The following FRRS1L variants were observed in gnomAD, a reference collection of about 807,000 sequenced individuals.
FRRS1L encodes the protein ferric chelate reductase 1 like.
FRRS1L carries 22 observed loss-of-function variants against 28.6 expected under a neutral mutation model. That is an observed-to-expected ratio of 0.77 (90% CI 0.55 to 1.10). The LOEUF is 1.10. Ranked by LOEUF, FRRS1L falls within the 50% of genes least tolerant of loss-of-function variation. The pLI is 0.00. For missense variants in FRRS1L, 380 were observed against 386.9 expected (o/e 0.98, Z 0.15); for synonymous variants, 158 against 151.4 (o/e 1.04, Z -0.32).
chr9:109,158,837 T>G (rs1250213319), intron 1 of FRRS1L, among the ~76,000 whole-genome samples: 2 of 152,226 alleles, frequency 1.3e-5, no homozygotes, highest in African/African-American at 4.8e-5. Flanking sequence ...TCCCTTGGAG[T>G]AGAAATGCTG....
rs1335886652 is a variant in FRRS1L at position 109,135,038 on chromosome 9, A to AATTT, written c.*2413_*2416dup. The AATTT allele has an allele frequency of 1.3e-5, 2 of 152,164 alleles. No individual in the cohort carries two copies. Among genetic ancestry groups the AATTT allele is most frequent in the Non-Finnish European group, 2.9e-5 (2 of 68,052 alleles). The allele number at this position is 152,164 out of a possible 1,614,324, so 9.4% of individuals were successfully genotyped here. A position where few individuals can be genotyped will look rare whatever the true frequency, so the allele number is the denominator to read the frequency against. ...ATTTCTCCCCATCTGCAATGAACAG[A>AATTT]ATTTCTCCTCCATCCCTCCTTGGAA... On this transcript the variant is annotated 3_prime_UTR_variant, in exon 5 of 5. Coordinates refer to ENST00000561981, the MANE Select transcript of FRRS1L (RefSeq NM_014334.4).
In FRRS1L at chr9:109,137,634, G is replaced by GAA; in HGVS notation, c.710-9_710-8dup. On this transcript the variant is annotated splice_region_variant and splice_polypyrimidine_tract_variant and intron_variant, in intron 4 of 4. Coordinates refer to ENST00000561981, the MANE Select transcript of FRRS1L (RefSeq NM_014334.4). ...TCATGTCGAGTGATAGAGCCTTTAA[G>GAA]AAAAAAAGAGAAGAGCAGGGGCAAT... is the stretch of plus-strand genomic sequence containing the variant. The GAA allele has an allele frequency of 6.6e-7, 1 of 1,521,328 alleles. No individual in the cohort carries two copies. The highest frequency in any genetic ancestry group is 2.0e-5 in the Admixed American group (1 of 50,132). 94.2% of individuals were successfully genotyped at this position (1,521,328 alleles called of 1,614,324 possible). A position where few individuals can be genotyped will look rare whatever the true frequency, so the allele number is the denominator to read the frequency against.
intron 3 of FRRS1L, among the ~76,000 whole-genome samples, chr9:109,146,693 C>T (rs1831266174): frequency 6.6e-6 from 1 of 152,176 alleles, no homozygotes; most frequent in Non-Finnish European, 1.5e-5. Context: ...AACTCATGGA[C>T]AGGCGTCAAG....
chr9:109,166,933 T>C lies in FRRS1L; in HGVS notation c.206A>G (p.Glu69Gly), dbSNP rs2118522809. 1 of 1,265,418 alleles carries C rather than the reference T, an allele frequency of 7.9e-7. No homozygotes were observed. Among genetic ancestry groups the C allele is most frequent in the South Asian group, 1.8e-5 (1 of 56,178 alleles). 78.4% of individuals were successfully genotyped at this position (1,265,418 alleles called of 1,614,324 possible). A position where few individuals can be genotyped will look rare whatever the true frequency, so the allele number is the denominator to read the frequency against. ...CGACAGGTAGCGCAGGTCGTAGAAC[T>C]CCCCCGCGAAGGTGCCGTAGGAGGA... Reference protein sequence around the residue: ...HDSSYGTFAGEFYDLRYLSEE... With the variant: ...HDSSYGTFAGGFYDLRYLSEE... Residue 69 changes from glutamate (E) to glycine (G), a missense_variant, in exon 1 of 5, where the codon GAG becomes GGG. Coordinates refer to ENST00000561981, the MANE Select transcript of FRRS1L (RefSeq NM_014334.4).
intron 2 of FRRS1L, chr9:109,148,518 T>C (rs1046264324): frequency 1.3e-5 from 2 of 152,012 alleles, no homozygotes; most frequent in Non-Finnish European, 2.9e-5. Context: ...TGCAGAATGG[T>C]AGAAAGTTGA....
At position 109,167,100 on chromosome 9, in the gene FRRS1L, C is replaced by T. The variant is rs773235133; in HGVS notation, c.39G>A (p.Ala13=). Reference sequence around the variant, plus strand: ...CCGTCAGTAGCAGCAGGAGCAGCGACGCCCAGACCCCCGGGTGCTGCCGGG... The same window carrying T: ...CCGTCAGTAGCAGCAGGAGCAGCGATGCCCAGACCCCCGGGTGCTGCCGGG... ...RPPRQHPGVW[A]SLLLLLLTGP... The change falls in exon 1 of 5, where the codon GCG becomes GCA. Residue 13 remains alanine (A), a synonymous_variant. Transcript: ENST00000561981. 1.0e-4 allele frequency: 121 copies of T among 1,179,930 alleles called. 1 individual carries two copies. The highest frequency in any genetic ancestry group is 4.7e-4 in the Admixed American group (11 of 23,638). 73.1% of individuals were successfully genotyped at this position (1,179,930 alleles called of 1,614,324 possible). A position where few individuals can be genotyped will look rare whatever the true frequency, so the allele number is the denominator to read the frequency against.
At chr9:109,158,891 A>C (rs550878084) in intron 1 of FRRS1L, among the ~76,000 whole-genome samples, 2 of 152,372 alleles carry the variant, frequency 1.3e-5, no homozygotes, top group South Asian at 4.1e-4. Context: ...GAAACTGCCA[A>C]ACTATTTTCC....
At position 109,132,140 on chromosome 9, in the gene FRRS1L, A is replaced by ATT. The variant is rs954737064; in HGVS notation, c.*5313_*5314dup. On this transcript the variant is annotated 3_prime_UTR_variant, in exon 5 of 5. Coordinates refer to ENST00000561981, the MANE Select transcript of FRRS1L (RefSeq NM_014334.4). ...AGGCTCCCGCCACCACGCCCAGCTA[A>ATT]TTTTTTTTGTATTTTTAGTAGAGAT... is the stretch of plus-strand genomic sequence containing the variant. The ATT allele has an allele frequency of 1.3e-5, 2 of 151,440 alleles. No individual in the cohort carries two copies. Among genetic ancestry groups the ATT allele is most frequent in the Non-Finnish European group, 2.9e-5 (2 of 67,908 alleles). The allele number at this position is 151,440 out of a possible 1,614,324, so 9.4% of individuals were successfully genotyped here. A position where few individuals can be genotyped will look rare whatever the true frequency, so the allele number is the denominator to read the frequency against.
intron 1 of FRRS1L, among the ~76,000 whole-genome samples, chr9:109,164,811 C>G (rs926795773): frequency 6.6e-6 from 1 of 152,206 alleles, no homozygotes; most frequent in Non-Finnish European, 1.5e-5. Flanking sequence ...GGGATCGGTA[C>G]AAAGCCCTGC....
rs371090206 is a variant in FRRS1L, at chr9:109,146,705, C to T, written c.462+346G>A. Among the ~76,000 whole-genome samples, 16 of 152,238 alleles carry T rather than the reference C, an allele frequency of 1.1e-4. No homozygotes were observed. The East Asian group carries it at 2.7e-3, about 26-fold the overall frequency. ...TCCAACTCATGGACAGGCGTCAAGT[C>T]CAGATGAACCCCACCTAAAATGAGC... On this transcript the variant is annotated intron_variant, in intron 3 of 4. Transcript: ENST00000561981.
At chr9:109,162,764 A>G (rs1831494119) in intron 1 of FRRS1L, among the ~76,000 whole-genome samples, 1 of 152,224 alleles carries the variant, frequency 6.6e-6, no homozygotes, top group Admixed American at 6.5e-5. Flanking sequence ...ATACCGTCCA[A>G]GGTAGATGGG....
intron 1 of FRRS1L, among the ~76,000 whole-genome samples, chr9:109,163,168 G>A (rs574196161): frequency 6.6e-6 from 1 of 152,294 alleles, no homozygotes; most frequent in Admixed American, 6.5e-5. Flanking sequence ...CCTCAGAAGT[G>A]AGCATTTGCC....
intron 3 of FRRS1L, among the ~76,000 whole-genome samples, chr9:109,146,749 T>A: frequency 6.6e-6 from 1 of 152,104 alleles, no homozygotes; most frequent in East Asian, 1.9e-4. Flanking sequence ...AGTCAATCCA[T>A]GAACATGTGA....
At chr9:109,142,455 T>G (rs973491289) in intron 3 of FRRS1L, among the ~76,000 whole-genome samples, 1 of 152,058 alleles carries the variant, frequency 6.6e-6, no homozygotes, top group Non-Finnish European at 1.5e-5. Flanking sequence ...AATCATAAAT[T>G]TTGGTGCTAC....
chr9:109,164,049 A>T (rs115985466), intron 1 of FRRS1L, among the ~76,000 whole-genome samples: 1,733 of 152,216 alleles, frequency 0.011, 28 homozygotes, highest in African/African-American at 0.04. Flanking sequence ...TCTCTCTGGC[A>T]ACCCCTCCTC....
At chr9:109,149,792 G>A in intron 1 of FRRS1L, 72 bp from the exon 2 acceptor site, 1 of 1,056,494 alleles carries the variant, frequency 9.5e-7, no homozygotes, top group South Asian at 1.4e-5. Flanking sequence ...TTAAAAATGT[G>A]TTGACTGTTT....
At chr9:109,157,320 G>A (rs1379794101) in intron 1 of FRRS1L, among the ~76,000 whole-genome samples, 2 of 152,144 alleles carry the variant, frequency 1.3e-5, no homozygotes, top group Non-Finnish European at 2.9e-5. Flanking sequence ...GTATGATTCT[G>A]TATTTGTGGG....
chr9:109,158,316 T>C (rs1831435438), intron 1 of FRRS1L, among the ~76,000 whole-genome samples: 1 of 152,254 alleles, frequency 6.6e-6, no homozygotes, highest in South Asian at 2.1e-4. Context: ...TATTAGCTTA[T>C]CTGCTTTCAT....
At chr9:109,153,258 G>A (rs1195494743) in intron 1 of FRRS1L, among the ~76,000 whole-genome samples, 1 of 152,156 alleles carries the variant, frequency 6.6e-6, no homozygotes. Flanking sequence ...AGAAGGTTGG[G>A]GCTTTGTGCT....
Sources: gnomAD v4.1 joint callset for allele counts (sites outside exome capture counted in the v4.1 genomes callset) on GRCh38, gnomAD v4.1.1 for gene constraint, MANE v1.5 for transcripts, NCBI Gene and HGNC (gene_info 2026-07-23, HGNC 2026-07-21) for gene names.